The following WAC variants were observed in gnomAD, a reference collection of about 807,000 sequenced individuals.
WAC encodes the protein WW domain containing adaptor with coiled-coil, also known as WW domain-containing adapter protein with coiled-coil.
In WAC, 11 loss-of-function variants were observed where a neutral mutation model predicts 79.6. The ratio of observed to expected loss-of-function variants is 0.14; its 90% CI spans 0.09 to 0.23. The LOEUF (loss-of-function observed/expected upper bound fraction) is 0.23. Among genes scored for constraint, WAC ranks in the 10% least tolerant of loss-of-function variants. The pLI is 1.00. For synonymous variants in WAC, 304 were observed against 276.9 expected, an observed-to-expected ratio of 1.10 and a Z score of -0.97; for missense variants, 728 against 773.5, an observed-to-expected ratio of 0.94 and a Z score of 0.70.
Position 28,622,662 on chromosome 10 carries a change from C to T in WAC, c.*3056C>T, listed in dbSNP as rs1841735098. ...AGACATTATGCTTCTTTTAACAGTC[C>T]AAATTAGTAGTTTTATTTTTCTTCT... On this transcript the variant is annotated 3_prime_UTR_variant, in exon 14 of 14. Coordinates refer to ENST00000354911, the MANE Select transcript of WAC (RefSeq NM_016628.5). The T allele has an allele frequency of 6.6e-6, 1 of 151,968 alleles. No homozygotes were observed. Among genetic ancestry groups the T allele is most frequent in the African/African-American group, 2.4e-5 (1 of 41,366 alleles). The allele number at this position is 151,968 out of a possible 1,614,324, so 9.4% of individuals were successfully genotyped here. A position where few individuals can be genotyped will look rare whatever the true frequency, so the allele number is the denominator to read the frequency against.
At chr10:28,575,819 G>A (rs1315354670) in intron 3 of WAC, among the ~76,000 whole-genome samples, 1 of 152,052 alleles carries the variant, frequency 6.6e-6, no homozygotes, top group African/African-American at 2.4e-5. Context: ...TCTTTTGCAC[G>A]TGCCGCCTCC....
intron 3 of WAC, among the ~76,000 whole-genome samples, chr10:28,566,666 T>TA (rs932028341): frequency 3.3e-5 from 5 of 152,238 alleles, no homozygotes; most frequent in Non-Finnish European, 5.9e-5. Context: ...TTTTTTCTCT[T>TA]ACCATAAGAC....
chr10:28,595,717 G>A lies in WAC; in HGVS notation c.611-16G>A, dbSNP rs190151036. 22 of 1,593,548 alleles carry A rather than the reference G, an allele frequency of 1.4e-5. No homozygotes were observed. Among genetic ancestry groups the A allele is most frequent in the African/African-American group, 2.7e-5 (2 of 74,072 alleles). On this transcript the variant is annotated splice_polypyrimidine_tract_variant and intron_variant, in intron 6 of 13. Transcript: ENST00000354911. ...CTGTCATTCCAACATCTGTTTTTTC[G>A]AACTGTGAACTAAAGTGGAAGACAA... is the stretch of plus-strand genomic sequence containing the variant.
intron 11 of WAC, 101 bp from the exon 12 acceptor site, chr10:28,616,072 G>T: frequency 1.1e-6 from 1 of 934,376 alleles, no homozygotes; most frequent in Non-Finnish European, 1.5e-6. Flanking sequence ...TAGGAATTTG[G>T]ATATCTTTAA....
At chr10:28,607,921 T>C (rs1841040140) in intron 7 of WAC, among the ~76,000 whole-genome samples, 1 of 152,238 alleles carries the variant, frequency 6.6e-6, no homozygotes, top group African/African-American at 2.4e-5. Context: ...AAATCAGATA[T>C]GGGTATGATT....
At chr10:28,586,547 G>T (rs1839830271) in intron 4 of WAC, among the ~76,000 whole-genome samples, 1 of 152,016 alleles carries the variant, frequency 6.6e-6, no homozygotes, top group African/African-American at 2.4e-5. Context: ...ATAGCTAAGT[G>T]TGGTGGTGTG....
intron 7 of WAC, among the ~76,000 whole-genome samples, chr10:28,606,368 C>T (rs1049932384): frequency 6.6e-6 from 1 of 152,170 alleles, no homozygotes; most frequent in Non-Finnish European, 1.5e-5. Flanking sequence ...AAACATTTAT[C>T]GTTTTATTTG....
At chr10:28,612,396 A>G (rs1369221703) in intron 10 of WAC, among the ~76,000 whole-genome samples, 3 of 152,186 alleles carry the variant, frequency 2.0e-5, no homozygotes, top group African/African-American at 7.2e-5. Context: ...TTTTTGTGGT[A>G]GAGTCAGAAT....
chr10:28,616,445 C>T (rs1415852885), intron 12 of WAC, 83 bp downstream of exon 12: 11 of 1,100,174 alleles, frequency 1.0e-5, no homozygotes, highest in Non-Finnish European at 1.3e-5. Context: ...CTAATGTGAC[C>T]ACTGAATTCA....
At chr10:28,619,461 T>A in intron 13 of WAC, 76 bp from the exon 14 acceptor site, 1 of 1,131,968 alleles carries the variant, frequency 8.8e-7, no homozygotes, top group Non-Finnish European at 1.2e-6. Flanking sequence ...TTTAAAAAAT[T>A]TTAATTATAA....
At chr10:28,614,359 C>T (rs1366154953) in intron 10 of WAC, among the ~76,000 whole-genome samples, 1 of 152,232 alleles carries the variant, frequency 6.6e-6, no homozygotes, top group African/African-American at 2.4e-5. Flanking sequence ...TCCCAAAGTG[C>T]TGGGATTACA....
intron 3 of WAC, among the ~76,000 whole-genome samples, chr10:28,578,218 A>C (rs528399907): frequency 6.6e-6 from 1 of 151,296 alleles, no homozygotes; most frequent in African/African-American, 2.4e-5. Flanking sequence ...GAGAAAGACA[A>C]CTTTGAGATC....
intron 7 of WAC, among the ~76,000 whole-genome samples, chr10:28,605,049 A>G (rs1270709441): frequency 6.6e-6 from 1 of 152,208 alleles, no homozygotes; most frequent in African/African-American, 2.4e-5. Context: ...CTTTGGAAGG[A>G]CGTTTGTATG....
intron 7 of WAC, among the ~76,000 whole-genome samples, chr10:28,602,079 GAA>G (rs547890813): frequency 9.3e-4 from 142 of 152,326 alleles, no homozygotes; most frequent in African/African-American, 3.2e-3. Flanking sequence ...CAATGCAAGA[GAA>G]AGATTGCCAG....
intron 7 of WAC, among the ~76,000 whole-genome samples, 168 bp from the exon 8 acceptor site, chr10:28,608,018 A>G (rs1589236743): frequency 6.6e-6 from 1 of 152,276 alleles, no homozygotes; most frequent in East Asian, 1.9e-4. Flanking sequence ...CTAAATCATT[A>G]TTCTAGTCAT....
intron 10 of WAC, among the ~76,000 whole-genome samples, chr10:28,613,945 G>A (rs893434332): frequency 6.6e-6 from 1 of 152,114 alleles, no homozygotes; most frequent in Admixed American, 6.5e-5. Context: ...CTCATTTTCT[G>A]ATAGCCCAAT....
chr10:28,599,867 A>G (rs937557813), intron 7 of WAC, among the ~76,000 whole-genome samples: 3 of 152,148 alleles, frequency 2.0e-5, no homozygotes, highest in East Asian at 1.9e-4. Flanking sequence ...TTGAACATCT[A>G]TGTATGATCA....
At chr10:28,568,522 A>G (rs1433244208) in intron 3 of WAC, among the ~76,000 whole-genome samples, 3 of 150,896 alleles carry the variant, frequency 2.0e-5, no homozygotes, top group Non-Finnish European at 2.9e-5. Flanking sequence ...CTAGGATTAC[A>G]GGCACCCGCC....
Position 28,533,634 on chromosome 10 carries a change from T to C in WAC, c.41+14T>C. ...ACTCAGTGATGGGTAAATTGTCTTTTCGTTTCGGGCCGGGCGGCGGCGGGG... is the reference window on the plus strand; with the variant it reads ...ACTCAGTGATGGGTAAATTGTCTTTCCGTTTCGGGCCGGGCGGCGGCGGGG... On this transcript the variant is annotated intron_variant, in intron 1 of 13. Transcript: ENST00000354911. 6.3e-7 allele frequency: 1 copy of C among 1,596,784 alleles called. No homozygotes were observed. The highest frequency in any genetic ancestry group is 8.5e-7 in the Non-Finnish European group (1 of 1,172,400).
Sources: allele counts gnomAD v4.1 joint callset (sites outside exome capture counted in the v4.1 genomes callset), GRCh38; gene constraint gnomAD v4.1.1; transcripts MANE v1.5; gene names NCBI Gene and HGNC (gene_info 2026-07-23, HGNC 2026-07-21).